CACNA2D1: variants seen among roughly 807,000 people sequenced by gnomAD.
CACNA2D1 encodes the protein calcium voltage-gated channel auxiliary subunit alpha2delta 1, also known as voltage-dependent calcium channel subunit alpha-2/delta-1.
CACNA2D1 carries 53 observed loss-of-function variants against 171.5 expected under a neutral mutation model. The ratio of observed to expected loss-of-function variants is 0.31; its 90% CI spans 0.25 to 0.39. CACNA2D1 has a LOEUF of 0.39. Ranked by LOEUF, CACNA2D1 falls within the 10% of genes least tolerant of loss-of-function variation. CACNA2D1 has a pLI of 1.00. For missense variants in CACNA2D1, 903 were observed against 1,299.8 expected, an observed-to-expected ratio of 0.69 and a Z score of 4.69; for synonymous variants, 442 against 443.1, an observed-to-expected ratio of 1.00 and a Z score of 0.03.
intron 1 of CACNA2D1, among the ~76,000 whole-genome samples, chr7:82,412,430 G>A (rs574092625): frequency 9.9e-5 from 15 of 151,778 alleles, no homozygotes; most frequent in South Asian, 4.2e-4. Context: ...TTACAGGCAC[G>A]GGCCACTAGC....
intron 1 of CACNA2D1, among the ~76,000 whole-genome samples, chr7:82,400,777 A>C (rs1326043081): frequency 1.3e-5 from 2 of 151,028 alleles, no homozygotes; most frequent in Non-Finnish European, 3.0e-5. Flanking sequence ...CAACCTACAA[A>C]ATGGGAGAAA....
At chr7:81,967,720 C>T in intron 29 of CACNA2D1, 57 bp from the exon 30 acceptor site, 2 of 788,896 alleles carry the variant, frequency 2.5e-6, no homozygotes, top group Non-Finnish European at 4.4e-6. Context: ...ACAACCTTTG[C>T]AATATGACAG....
At chr7:82,034,984 T>C (rs958579836) in intron 11 of CACNA2D1, among the ~76,000 whole-genome samples, 1 of 152,154 alleles carries the variant, frequency 6.6e-6, no homozygotes, top group East Asian at 1.9e-4. Flanking sequence ...AAGTACATAA[T>C]AGCAAATTTT....
chr7:81,986,899 C>A (rs1797031907), intron 21 of CACNA2D1, among the ~76,000 whole-genome samples: 1 of 152,132 alleles, frequency 6.6e-6, no homozygotes, highest in African/African-American at 2.4e-5. Flanking sequence ...GATTGTCTCC[C>A]AGAAATTCTT....
At chr7:82,256,492 G>C (rs535512169) in intron 3 of CACNA2D1, among the ~76,000 whole-genome samples, 17 of 152,210 alleles carry the variant, frequency 1.1e-4, no homozygotes, top group African/African-American at 3.9e-4. Flanking sequence ...TTTGGCCATA[G>C]AGAAATACTG....
intron 34 of CACNA2D1, among the ~76,000 whole-genome samples, chr7:81,962,940 ATAG>A (rs1794314208): frequency 5.3e-5 from 8 of 152,072 alleles, no homozygotes; most frequent in Admixed American, 5.3e-4. Context: ...ACTTTGTAAT[ATAG>A]AATATATTTG....
intron 4 of CACNA2D1, among the ~76,000 whole-genome samples, chr7:82,143,340 A>G (rs1393587877): frequency 5.3e-5 from 8 of 152,204 alleles, no homozygotes; most frequent in African/African-American, 1.9e-4. Context: ...TGCATGGCAC[A>G]CAATATATGC....
At chr7:82,383,887 T>C (rs1296035681) in intron 1 of CACNA2D1, among the ~76,000 whole-genome samples, 2 of 152,202 alleles carry the variant, frequency 1.3e-5, no homozygotes, top group African/African-American at 2.4e-5. Context: ...AAAGTACCTC[T>C]TCACACTGAC....
chr7:82,286,814 T>C (rs1244977312), intron 3 of CACNA2D1, among the ~76,000 whole-genome samples: 1 of 152,226 alleles, frequency 6.6e-6, no homozygotes, highest in Admixed American at 6.5e-5. Context: ...CCAAGTTACT[T>C]TGTCCCCATG....
intron 5 of CACNA2D1, among the ~76,000 whole-genome samples, chr7:82,119,346 ATTC>A (rs1789448255): frequency 6.6e-6 from 1 of 152,194 alleles, no homozygotes; most frequent in Admixed American, 6.6e-5. Flanking sequence ...TTCTCAGACT[ATTC>A]TTCTCAATAT....
Position 82,329,140 on chromosome 7 carries a change from T to C in CACNA2D1, c.294+5995A>G, listed in dbSNP as rs76165014. 5.1e-3 allele frequency among the ~76,000 whole-genome samples: 776 copies of C among 152,170 alleles called. 19 individuals are homozygous for C. The East Asian group carries it at 0.081, about 16-fold the overall frequency. ...CCTAAGAGTTAAAGAAAAAAAAAAC[T>C]ATTTGGTTAAATAACAATCATCTAG... On this transcript the variant is annotated intron_variant, in intron 3 of 38. Transcript: ENST00000356860.
intron 5 of CACNA2D1, among the ~76,000 whole-genome samples, chr7:82,134,125 A>G (rs1791336824): frequency 6.6e-6 from 1 of 152,126 alleles, no homozygotes. Flanking sequence ...TCATGAGAAA[A>G]TATTAAAAAT....
At chr7:82,151,566 A>G (rs571592935) in intron 4 of CACNA2D1, among the ~76,000 whole-genome samples, 1 of 152,262 alleles carries the variant, frequency 6.6e-6, no homozygotes, top group Admixed American at 6.5e-5. Context: ...TGGTTTTTAA[A>G]TAAGAAATTG....
At chr7:82,315,714 A>C (rs1419553654) in intron 3 of CACNA2D1, among the ~76,000 whole-genome samples, 1 of 152,218 alleles carries the variant, frequency 6.6e-6, no homozygotes, top group Non-Finnish European at 1.5e-5. Flanking sequence ...GATAACATGA[A>C]GAAGGGGAGG....
intron 3 of CACNA2D1, among the ~76,000 whole-genome samples, chr7:82,284,816 T>G (rs1473502863): frequency 6.6e-6 from 1 of 152,176 alleles, no homozygotes; most frequent in Admixed American, 6.5e-5. Context: ...GCCATAGGAA[T>G]AGTATATATG....
intron 3 of CACNA2D1, among the ~76,000 whole-genome samples, chr7:82,228,830 G>A (rs895926199): frequency 6.6e-6 from 1 of 151,984 alleles, no homozygotes; most frequent in Non-Finnish European, 1.5e-5. Context: ...AAAATCACCA[G>A]GACAGCTTTA....
At position 81,947,088 on chromosome 7, in the gene CACNA2D1, C is replaced by T. The variant is rs1357276554; in HGVS notation, c.*3304G>A. On this transcript the variant is annotated 3_prime_UTR_variant, in exon 39 of 39. Transcript: ENST00000356860. Reference sequence around the variant, plus strand: ...TACCATTAAACATTTGAACGTCTAACATGATCAATGGAATAGATTCAGAGT... The same window carrying T: ...TACCATTAAACATTTGAACGTCTAATATGATCAATGGAATAGATTCAGAGT... The T allele has an allele frequency of 5.9e-5, 9 of 151,920 alleles. No homozygotes were observed. Among genetic ancestry groups the T allele is most frequent in the Non-Finnish European group, 2.9e-5 (2 of 67,920 alleles). The allele number at this position is 151,920 out of a possible 1,614,324, so 9.4% of individuals were successfully genotyped here. A position where few individuals can be genotyped will look rare whatever the true frequency, so the allele number is the denominator to read the frequency against.
chr7:82,062,521 C>G (rs1459448285), intron 9 of CACNA2D1, among the ~76,000 whole-genome samples: 1 of 151,336 alleles, frequency 6.6e-6, no homozygotes, highest in Non-Finnish European at 1.5e-5. Context: ...CTATTAATTT[C>G]TACAATTATT....
intron 3 of CACNA2D1, among the ~76,000 whole-genome samples, chr7:82,202,390 C>G (rs902653708): frequency 6.6e-6 from 1 of 152,100 alleles, no homozygotes; most frequent in Non-Finnish European, 1.5e-5. Context: ...GGAGAGTGAG[C>G]CTTTGGTCCC....
Sources: gnomAD v4.1 joint callset for allele counts (sites outside exome capture counted in the v4.1 genomes callset) on GRCh38, gnomAD v4.1.1 for gene constraint, MANE v1.5 for transcripts, NCBI Gene and HGNC (gene_info 2026-07-23, HGNC 2026-07-21) for gene names.